The following CDC123 variants were observed in gnomAD, a reference collection of about 807,000 sequenced individuals.
CDC123 encodes the protein translation initiation factor eIF2 assembly protein.
Under a neutral mutation model 54.4 loss-of-function variants are expected in CDC123, and 37 were observed. The observed-to-expected ratio is 0.68, with a 90% confidence interval of 0.52 to 0.89. The LOEUF (loss-of-function observed/expected upper bound fraction) is 0.89, where lower values mean the gene tolerates loss of function less well. Ranked by LOEUF, CDC123 falls within the 40% of genes least tolerant of loss-of-function variation. The pLI is 0.00. For missense variants in CDC123, 361 were observed against 412.1 expected (o/e 0.88, Z 1.07); for synonymous variants, 144 against 136.8 (o/e 1.05, Z -0.37).
At chr10:12,233,466 A>G (rs1835931573) in intron 7 of CDC123, among the ~76,000 whole-genome samples, 1 of 152,182 alleles carries the variant, frequency 6.6e-6, no homozygotes, top group African/African-American at 2.4e-5. Context: ...TTTTGTGAAA[A>G]TCAACCACAG....
At chr10:12,210,464 A>T (rs11257597) in intron 4 of CDC123, 142 bp downstream of exon 4, 1 of 1,016,126 alleles carries the variant, frequency 9.8e-7, no homozygotes, top group South Asian at 2.2e-5. Context: ...TGTCGTTTTT[A>T]TTTTGAAAAA....
intron 9 of CDC123, among the ~76,000 whole-genome samples, chr10:12,237,718 G>A (rs1054942661): frequency 4.6e-5 from 7 of 152,308 alleles, no homozygotes; most frequent in Admixed American, 2.0e-4. Context: ...ACAGATGTGA[G>A]CCACCGCACC....
chr10:12,239,231 A>G (rs1836021419), intron 10 of CDC123, among the ~76,000 whole-genome samples: 1 of 152,058 alleles, frequency 6.6e-6, no homozygotes, highest in African/African-American at 2.4e-5. Context: ...TCCCCTTAAA[A>G]TATACCTAAC....
intron 10 of CDC123, among the ~76,000 whole-genome samples, chr10:12,241,004 G>A (rs867121756): frequency 7.2e-5 from 11 of 152,082 alleles, no homozygotes; most frequent in African/African-American, 2.7e-4. Context: ...GTTTACCCTC[G>A]GTAGAGGTTA....
Position 12,250,369 on chromosome 10 carries a change from C to A in CDC123, c.*32C>A. 2 of 1,554,754 alleles carry A rather than the reference C, an allele frequency of 1.3e-6. No homozygotes were observed. The highest frequency in any genetic ancestry group is 8.9e-7 in the Non-Finnish European group (1 of 1,126,684). ...TACTGGAACTGGAGAAGAGGAGGCC[C>A]CGCCCCACCGCTCCGGGAGCTGCTC... is the stretch of plus-strand genomic sequence containing the variant. On this transcript the variant is annotated 3_prime_UTR_variant, in exon 13 of 13. Coordinates refer to ENST00000281141, the MANE Select transcript of CDC123 (RefSeq NM_006023.3).
intron 2 of CDC123, among the ~76,000 whole-genome samples, chr10:12,205,065 C>T (rs545811988): frequency 6.6e-6 from 1 of 151,584 alleles, no homozygotes; most frequent in East Asian, 1.9e-4. Flanking sequence ...CCCCCACCTC[C>T]TCACAGTCCC....
At chr10:12,229,194 C>T (rs1294246490) in intron 6 of CDC123, among the ~76,000 whole-genome samples, 1 of 152,248 alleles carries the variant, frequency 6.6e-6, no homozygotes, top group East Asian at 1.9e-4. Context: ...TGTCCAACAC[C>T]ATTGTGCCAT....
At position 12,222,192 on chromosome 10, in the gene CDC123, A is replaced by AAG. The variant is rs1835745989; in HGVS notation, c.440+4727_440+4728dup. Among the ~76,000 whole-genome samples the AAG allele has an allele frequency of 2.0e-5, 3 of 152,362 alleles. No individual in the cohort carries two copies. The East Asian group carries it at 5.8e-4, about 29-fold the overall frequency. On this transcript the variant is annotated intron_variant, in intron 6 of 12. Coordinates refer to ENST00000281141, the MANE Select transcript of CDC123 (RefSeq NM_006023.3). ...AATCCAGGTTCCATTGGACAGGCTGAAGATGGGAATCCTGGAGGGTAGACA... is the reference window on the plus strand; with the variant it reads ...AATCCAGGTTCCATTGGACAGGCTGAAGAGATGGGAATCCTGGAGGGTAGACA...
rs771428992 is a variant in CDC123, at chr10:12,250,436, A to G, written c.*99A>G. 1.1e-6 allele frequency: 1 copy of G among 893,460 alleles called. No individual in the cohort carries two copies. The highest frequency in any genetic ancestry group is 1.3e-5 in the South Asian group (1 of 76,326). The allele number at this position is 893,460 out of a possible 1,614,324, so 55.3% of individuals were successfully genotyped here. ...TGCCGACCCTGATGCGGGTGGGCCG[A>G]GCAGTGTGGACATCAGCCACTTTTT... On this transcript the variant is annotated 3_prime_UTR_variant, in exon 13 of 13. Transcript: ENST00000281141.
At position 12,235,213 on chromosome 10, in the gene CDC123, G is replaced by C. The variant is rs780280600; in HGVS notation, c.565+90G>C. 18 of 1,044,276 alleles carry C rather than the reference G, an allele frequency of 1.7e-5. No homozygotes were observed. The South Asian group carries it at 2.2e-4, about 13-fold the overall frequency. The allele number at this position is 1,044,276 out of a possible 1,614,324, so 64.7% of individuals were successfully genotyped here. ...GTTGGAAGTAAATTTCCAGTAATTA[G>C]GACAGGGATGTCAATCTGTTTTCAT... On this transcript the variant is annotated intron_variant, in intron 8 of 12. Coordinates refer to ENST00000281141, the MANE Select transcript of CDC123 (RefSeq NM_006023.3).
intron 10 of CDC123, among the ~76,000 whole-genome samples, chr10:12,241,788 A>C (rs1836060638): frequency 6.6e-6 from 1 of 152,182 alleles, no homozygotes; most frequent in Non-Finnish European, 1.5e-5. Context: ...TCAGAGAAGA[A>C]CAGTCATTGT....
rs58642865 is a variant in CDC123 at position 12,232,958 on chromosome 10, A to G, written c.489+1962A>G. Among the ~76,000 whole-genome samples the G allele has an allele frequency of 6.8e-3, 1,035 of 151,788 alleles. 15 individuals carry two copies. The highest frequency in any genetic ancestry group is 0.024 in the African/African-American group (1,005 of 41,386). ...GTATTTTTAGTGGAGACGGGGTTTC[A>G]CTGTGTTAGCCAGGATGGTCTCGTT... On this transcript the variant is annotated intron_variant, in intron 7 of 12. Coordinates refer to ENST00000281141, the MANE Select transcript of CDC123 (RefSeq NM_006023.3).
chr10:12,231,128 A>T, intron 7 of CDC123, 132 bp downstream of exon 7: 1 of 695,320 alleles, frequency 1.4e-6, no homozygotes. Flanking sequence ...CTGAAATTTT[A>T]AATTTATGAA....
chr10:12,242,009 A>G (rs772048296), intron 10 of CDC123, among the ~76,000 whole-genome samples: 5 of 152,058 alleles, frequency 3.3e-5, no homozygotes, highest in Non-Finnish European at 7.4e-5. Flanking sequence ...CTTTCTCATA[A>G]TCTCAATTAC....
intron 2 of CDC123, among the ~76,000 whole-genome samples, chr10:12,203,525 G>A (rs572586186): frequency 2.7e-4 from 41 of 152,264 alleles, no homozygotes; most frequent in African/African-American, 9.9e-4. Flanking sequence ...TCCAGGGTTC[G>A]GTGAGAAAGC....
At chr10:12,232,231 CT>C (rs1343928321) in intron 7 of CDC123, among the ~76,000 whole-genome samples, 2 of 152,102 alleles carry the variant, frequency 1.3e-5, no homozygotes, top group East Asian at 1.9e-4. Context: ...CTTTTAGAAA[CT>C]TTGACGGCTC....
intron 10 of CDC123, among the ~76,000 whole-genome samples, chr10:12,242,822 A>G (rs1018163392): frequency 7.9e-5 from 12 of 151,892 alleles, no homozygotes; most frequent in African/African-American, 2.9e-4. Context: ...GGCGCCTGTA[A>G]TCCCAGCTAC....
intron 10 of CDC123, among the ~76,000 whole-genome samples, chr10:12,240,498 T>C (rs1450756269): frequency 6.6e-6 from 1 of 152,262 alleles, no homozygotes; most frequent in Non-Finnish European, 1.5e-5. Flanking sequence ...TAACTGTTCA[T>C]TTAACTCTTA....
rs548744096 is a variant in CDC123 at position 12,210,266 on chromosome 10, A to G, written c.205-24A>G. 60 of 1,613,104 alleles carry G rather than the reference A, an allele frequency of 3.7e-5. 1 individual carries two copies. The South Asian group carries it at 6.2e-4, about 17-fold the overall frequency. The stretch of plus-strand genomic sequence containing the variant: ...GTGCAGTATTTAAATTTAATGTTTT[A>G]TTTTTTTCCTCTTTTTCATGCAGTG... On this transcript the variant is annotated intron_variant, in intron 3 of 12. Transcript: ENST00000281141.
Sources: gnomAD v4.1 joint callset for allele counts (sites outside exome capture counted in the v4.1 genomes callset) on GRCh38, gnomAD v4.1.1 for gene constraint, MANE v1.5 for transcripts, NCBI Gene and HGNC (gene_info 2026-07-23, HGNC 2026-07-21) for gene names.